Variants in ATG14 observed in about 807,000 individuals in gnomAD.
ATG14 encodes the protein beclin 1-associated autophagy-related key regulator.
In ATG14, 35 loss-of-function variants were observed where a neutral mutation model predicts 60.4. That is an observed-to-expected ratio of 0.58 (90% CI 0.44 to 0.77). The LOEUF (loss-of-function observed/expected upper bound fraction) is 0.77, where lower values mean the gene tolerates loss of function less well. Among genes scored for constraint, ATG14 ranks in the 30% least tolerant of loss-of-function variants. ATG14 has a pLI of 0.00. For synonymous variants in ATG14, 234 were observed against 228.8 expected, an observed-to-expected ratio of 1.02 and a Z score of -0.21; for missense variants, 647 against 626.3, an observed-to-expected ratio of 1.03 and a Z score of -0.35.
At position 55,401,297 on chromosome 14, in the gene ATG14, G is replaced by A. The variant is rs564241321; in HGVS notation, c.222-3863C>T. 5.5e-4 allele frequency among the ~76,000 whole-genome samples: 84 copies of A among 151,880 alleles called. 1 individual carries two copies. The South Asian group carries it at 0.017, about 31-fold the overall frequency. ...TTTCCTTTGAGGATTATTTAGCAGG[G>A]AAATTGGCCATTTTTATTTCACACA... On this transcript the variant is annotated intron_variant, in intron 1 of 9. Transcript: ENST00000247178.
Position 55,368,975 on chromosome 14 carries a change from A to AAAAG in ATG14, c.*640_*643dup, listed in dbSNP as rs1279357331. The AAAAG allele has an allele frequency of 3.3e-5, 5 of 152,256 alleles. No individual in the cohort carries two copies. The highest frequency in any genetic ancestry group is 1.2e-4 in the African/African-American group (5 of 41,452). 9.4% of individuals were successfully genotyped at this position (152,256 alleles called of 1,614,324 possible). ...CATTTATGGATGTGGGTCCTAAAGA[A>AAAAG]AAAGACTTTCATTTTCTTTGGTGTG... is the stretch of plus-strand genomic sequence containing the variant. On this transcript the variant is annotated 3_prime_UTR_variant, in exon 10 of 10. Transcript: ENST00000247178.
At chr14:55,378,868 G>A (rs1269613797) in intron 7 of ATG14, among the ~76,000 whole-genome samples, 1 of 151,966 alleles carries the variant, frequency 6.6e-6, no homozygotes. Context: ...ACCACATCCA[G>A]CTAATTTTTT....
chr14:55,402,060 A>G (rs886932540), intron 1 of ATG14, among the ~76,000 whole-genome samples: 2 of 152,150 alleles, frequency 1.3e-5, no homozygotes, highest in African/African-American at 4.8e-5. Flanking sequence ...GACAATTCAC[A>G]TAAATCTGCC....
At position 55,377,845 on chromosome 14, in the gene ATG14, G is replaced by A. The variant is rs149905510; in HGVS notation, c.1146C>T (p.Val382=). 5.7e-5 allele frequency: 91 copies of A among 1,599,858 alleles called. No homozygotes were observed. The highest frequency in any genetic ancestry group is 6.9e-5 in the Non-Finnish European group (81 of 1,175,826). The stretch of plus-strand genomic sequence containing the variant: ...TGCCTAGGTGTTCAGAGCTTGGACT[G>A]ACCAGGTACATTAGATTCCTGAGGG... ...LHTLRNLMYL[V]SPSSEHLGRS... is the part of the protein sequence containing the mutation. Residue 382 remains valine (V), a synonymous_variant, in exon 9 of 10, where the codon GTC becomes GTT. Transcript: ENST00000247178.
At chr14:55,371,497 G>C (rs59593395) in intron 9 of ATG14, among the ~76,000 whole-genome samples, 4 of 152,138 alleles carry the variant, frequency 2.6e-5, no homozygotes, top group African/African-American at 9.7e-5. Flanking sequence ...TCTCCAGTGA[G>C]CAATTTACAT....
rs1271711318 is a variant in ATG14 at position 55,377,810 on chromosome 14, T to G, written c.1172+9A>C. 1.9e-6 allele frequency: 3 copies of G among 1,553,620 alleles called. No individual in the cohort carries two copies. Among genetic ancestry groups the G allele is most frequent in the Non-Finnish European group, 2.6e-6 (3 of 1,150,510 alleles). On this transcript the variant is annotated intron_variant, in intron 9 of 9. Coordinates refer to ENST00000247178, the MANE Select transcript of ATG14 (RefSeq NM_014924.5). ...AACACTTAGAGAAAAGCAACAAATA[T>G]CTTCTTACCTGCCTAGGTGTTCAGA...
intron 9 of ATG14, 70 bp from the exon 10 acceptor site, chr14:55,369,995 C>T (rs992964691): frequency 7.1e-5 from 104 of 1,461,284 alleles, no homozygotes; most frequent in Non-Finnish European, 9.1e-5. Context: ...TGCCATCTTC[C>T]TGAAGGCCCT....
chr14:55,411,708 C>G lies in ATG14; in HGVS notation c.115G>C (p.Ala39Pro). The change falls in exon 1 of 10, where the codon GCT (alanine) becomes CCT (proline). Residue 39 changes from alanine to proline, a missense_variant. By Grantham distance (27) the Ala-to-Pro change is conservative (BLOSUM62 -1). Coordinates refer to ENST00000247178, the MANE Select transcript of ATG14 (RefSeq NM_014924.5). ...SVDDAEGLYV[A>P]VERCPLCNTT... ...TTGCACAGCGGGCAGCGCTCCACAG[C>G]CACGTACAGCCCCTCCGCATCGTCC... The G allele has an allele frequency of 1.9e-6, 3 of 1,612,690 alleles. No individual in the cohort carries two copies. Among genetic ancestry groups the G allele is most frequent in the East Asian group, 2.2e-5 (1 of 44,854 alleles).
intron 5 of ATG14, among the ~76,000 whole-genome samples, chr14:55,385,485 G>A (rs1340441074): frequency 1.3e-5 from 2 of 152,222 alleles, no homozygotes; most frequent in East Asian, 1.9e-4. Context: ...TAGAGACAGG[G>A]TTTTGCCATG....
Position 55,377,377 on chromosome 14 carries a change from G to A in ATG14, c.1172+442C>T, listed in dbSNP as rs552170999. The stretch of plus-strand genomic sequence containing the variant: ...AAAAAAGGAAATTGTGAATTGTTAC[G>A]ACGGACAAGGAGTGAGGAGGAGCAA... On this transcript the variant is annotated intron_variant, in intron 9 of 9. Coordinates refer to ENST00000247178, the MANE Select transcript of ATG14 (RefSeq NM_014924.5). 7.6e-4 allele frequency among the ~76,000 whole-genome samples: 115 copies of A among 152,110 alleles called. 1 individual carries two copies. The highest frequency in any genetic ancestry group is 2.6e-3 in the African/African-American group (108 of 41,504).
intron 9 of ATG14, among the ~76,000 whole-genome samples, chr14:55,375,897 A>G (rs547072489): frequency 3.9e-5 from 6 of 152,362 alleles, no homozygotes; most frequent in Non-Finnish European, 8.8e-5. Context: ...CATGAAGTAT[A>G]ACTTTCCTTG....
chr14:55,408,341 G>C (rs553987324), intron 1 of ATG14, among the ~76,000 whole-genome samples: 1 of 152,216 alleles, frequency 6.6e-6, no homozygotes, highest in Admixed American at 6.5e-5. Context: ...TGTAGTCCCA[G>C]ATACCAGGGA....
chr14:55,391,281 CT>C (rs1885211391), intron 3 of ATG14: 1 of 217,626 alleles, frequency 4.6e-6, no homozygotes, highest in South Asian at 6.9e-5. Flanking sequence ...CAAGACCATC[CT>C]GGCCAACATG....
Position 55,369,923 on chromosome 14 carries a change from G to GACC in ATG14, c.1173-1_1174dup (p.Arg391_Ser392insTrp), listed in dbSNP as rs756777588. On this transcript the variant is annotated inframe_insertion and splice_region_variant, in exon 10 of 10. Transcript: ENST00000247178. ...GTCTGCTCGTACTTCAAAGGGCCCT[G>GACC]ACCTGTGTGCAGACAATGAGGGTCT... The GACC allele has an allele frequency of 1.2e-6, 2 of 1,602,076 alleles. No homozygotes were observed. Among genetic ancestry groups the GACC allele is most frequent in the Admixed American group, 3.4e-5 (2 of 58,512 alleles).
chr14:55,373,545 C>T (rs979896309), intron 9 of ATG14, among the ~76,000 whole-genome samples: 1 of 152,126 alleles, frequency 6.6e-6, no homozygotes, highest in Non-Finnish European at 1.5e-5. Context: ...CTGCAAACTC[C>T]GCCTCCTGGG....
chr14:55,372,095 A>AGCGT (rs1884832350), intron 9 of ATG14, among the ~76,000 whole-genome samples: 1 of 151,986 alleles, frequency 6.6e-6, no homozygotes, highest in Admixed American at 6.6e-5. Flanking sequence ...CGCCACTCCC[A>AGCGT]AATATCCTCT....
At chr14:55,402,496 T>C (rs1266188571) in intron 1 of ATG14, among the ~76,000 whole-genome samples, 2 of 152,062 alleles carry the variant, frequency 1.3e-5, no homozygotes, top group Non-Finnish European at 2.9e-5. Flanking sequence ...TCAGTCCTAA[T>C]AGCAAGAAAC....
chr14:55,370,329 T>A (rs538233217), intron 9 of ATG14, among the ~76,000 whole-genome samples: 15 of 152,248 alleles, frequency 9.9e-5, no homozygotes, highest in Non-Finnish European at 1.9e-4. Flanking sequence ...ATACTCTGGA[T>A]ATTATTTAGT....
intron 2 of ATG14, 25 bp downstream of exon 2, chr14:55,397,346 AT>A: frequency 1.2e-6 from 2 of 1,602,488 alleles, no homozygotes; most frequent in Non-Finnish European, 1.7e-6. Context: ...ACCTCCACAA[AT>A]TAAAAGACAA....
Sources: allele counts gnomAD v4.1 joint callset (sites outside exome capture counted in the v4.1 genomes callset), GRCh38; gene constraint gnomAD v4.1.1; transcripts MANE v1.5; gene names NCBI Gene and HGNC (gene_info 2026-07-23, HGNC 2026-07-21).